MAN2A2: variants seen among roughly 807,000 people sequenced by gnomAD.
MAN2A2 encodes the protein mannosidase alpha class 2A member 2, also known as alpha-mannosidase 2x.
A neutral mutation model predicts 126.8 loss-of-function variants in MAN2A2; 79 were observed. The observed-to-expected ratio is 0.62, with a 90% CI of 0.52 to 0.75. The LOEUF is 0.75. Among genes scored for constraint, MAN2A2 ranks in the 30% least tolerant of loss-of-function variants. The pLI, the probability that MAN2A2 is intolerant of heterozygous loss-of-function variation, is 0.00. For missense variants in MAN2A2, 1,392 were observed against 1,522.4 expected (o/e 0.91, Z 1.43); for synonymous variants, 671 against 618.7 (o/e 1.08, Z -1.25).
chr15:90,904,014 C>T, intron 1 of MAN2A2, 176 bp from the exon 2 acceptor site: 1 of 695,338 alleles, frequency 1.4e-6, no homozygotes, highest in Non-Finnish European at 2.6e-6. Flanking sequence ...ACCCTAGCGG[C>T]AGAGCTGCTA....
In MAN2A2 at chr15:90,913,623, C is replaced by A; in HGVS notation, c.2728C>A (p.Arg910=). 6.2e-7 allele frequency: 1 copy of A among 1,612,152 alleles called. No homozygotes were observed. Residue 910 remains arginine, a synonymous_variant, in exon 19 of 23, where the codon CGA becomes AGA. Coordinates refer to ENST00000559717, the MANE Select transcript of MAN2A2 (RefSeq NM_006122.4). ...TDLNGFQVQP[R]RYLKKLPLQA... ...GGCCTTGCCCCCACAGGTGCAGCCC[C>A]GACGGTATCTGAAGAAGCTCCCCCT...
chr15:90,918,057 C>A, intron 20 of MAN2A2, 137 bp from the exon 21 acceptor site: 1 of 770,516 alleles, frequency 1.3e-6, no homozygotes, highest in Non-Finnish European at 2.1e-6. Context: ...CGCCTGGAGC[C>A]AGGCGTGCCC....
At chr15:90,911,725 G>T in intron 14 of MAN2A2, 175 bp downstream of exon 14, 1 of 710,906 alleles carries the variant, frequency 1.4e-6, no homozygotes, top group South Asian at 1.9e-5. Context: ...ATTTGAGCGT[G>T]TCCTTGAAAA....
Position 90,912,033 on chromosome 15 carries a change from G to A in MAN2A2, c.2110-10G>A. ...GTGCCCCCACTTCCTCACCCCTCCTGTGCCCACAGGTGTCTGTGCCTGTCC... is the reference window on the plus strand; with the variant it reads ...GTGCCCCCACTTCCTCACCCCTCCTATGCCCACAGGTGTCTGTGCCTGTCC... On this transcript the variant is annotated splice_polypyrimidine_tract_variant and intron_variant, in intron 14 of 22. Coordinates refer to ENST00000559717, the MANE Select transcript of MAN2A2 (RefSeq NM_006122.4). 3.7e-6 allele frequency: 6 copies of A among 1,607,494 alleles called. No individual in the cohort carries two copies. Among genetic ancestry groups the A allele is most frequent in the Non-Finnish European group, 5.1e-6 (6 of 1,176,604 alleles).
At chr15:90,914,156 CAGGCTCT>C (rs1039262353) in intron 19 of MAN2A2, among the ~76,000 whole-genome samples, 10 of 152,232 alleles carry the variant, frequency 6.6e-5, no homozygotes, top group African/African-American at 2.4e-4. Context: ...AAGCGAGACC[CAGGCTCT>C]ACAAAAAGAT....
intron 20 of MAN2A2, among the ~76,000 whole-genome samples, chr15:90,916,918 G>T (rs2151327027): frequency 6.6e-6 from 1 of 152,344 alleles, no homozygotes; most frequent in African/African-American, 2.4e-5. Context: ...ATCCTGAGGA[G>T]CAAGGTAATA....
chr15:90,912,526 C>T lies in MAN2A2; in HGVS notation c.2347-16C>T. On this transcript the variant is annotated splice_polypyrimidine_tract_variant and intron_variant, in intron 15 of 22. Coordinates refer to ENST00000559717, the MANE Select transcript of MAN2A2 (RefSeq NM_006122.4). ...GCTGGTGTGGGGCCAGGGGTCAGGG[C>T]TGTGTTTTTTGGCAGAGCATCCGAA... The T allele has an allele frequency of 6.2e-7, 1 of 1,612,518 alleles. No individual in the cohort carries two copies. The highest frequency in any genetic ancestry group is 2.2e-5 in the East Asian group (1 of 44,804).
rs369373482 is a variant in MAN2A2, at chr15:90,918,261, C to T, written c.3062C>T (p.Ala1021Val). The part of the protein sequence containing the change: ...LSHLTSMYLN[A>V]PALALPVARM... The stretch of plus-strand genomic sequence containing the variant: ...CACCTGACCTCCATGTACCTGAACG[C>T]CCCGGCGCTCGCTCTGCCTGTAGCC... The change falls in exon 21 of 23, where the codon GCC (alanine) becomes GTC (valine). Residue 1021 changes from alanine to valine, a missense_variant. Physicochemically the swap from Ala to Val is moderately conservative, Grantham distance 64. Coordinates refer to ENST00000559717, the MANE Select transcript of MAN2A2 (RefSeq NM_006122.4). 8 of 1,614,056 alleles carry T rather than the reference C, an allele frequency of 5.0e-6. No individual in the cohort carries two copies. The African/African-American group carries it at 9.3e-5, about 19-fold the overall frequency.
In MAN2A2 at chr15:90,911,428, A is replaced by G. The variant is rs773109493; in HGVS notation, c.1987A>G (p.Met663Val). ...FNPLEQERFS[M>V]VSLLVNSPRV... ...CCCACTGGAACAGGAGCGATTCAGC[A>G]TGGTGTCCCTGCTGGTCAACTCTCC... is the stretch of plus-strand genomic sequence containing the variant. Residue 663 changes from methionine to valine, a missense_variant, in exon 14 of 23, where the codon ATG becomes GTG. Physicochemically the swap from Met to Val is conservative, Grantham distance 21. Coordinates refer to ENST00000559717, the MANE Select transcript of MAN2A2 (RefSeq NM_006122.4). The G allele has an allele frequency of 6.2e-7, 1 of 1,614,228 alleles. No individual in the cohort carries two copies. Among genetic ancestry groups the G allele is most frequent in the Non-Finnish European group, 8.5e-7 (1 of 1,180,028 alleles).
intron 18 of MAN2A2, 95 bp from the exon 19 acceptor site, chr15:90,913,519 G>C: frequency 6.4e-7 from 1 of 1,563,132 alleles, no homozygotes; most frequent in Non-Finnish European, 8.7e-7. Flanking sequence ...AGATGAATGA[G>C]AGGCGAAGAG....
intron 7 of MAN2A2, 132 bp downstream of exon 7, chr15:90,907,045 G>C: frequency 8.3e-7 from 1 of 1,199,898 alleles, no homozygotes; most frequent in Non-Finnish European, 1.2e-6. Flanking sequence ...GCCAGAAATG[G>C]TCGCACCCTC....
intron 14 of MAN2A2, chr15:90,911,809 T>A (rs2034769450): frequency 1.7e-6 from 1 of 605,234 alleles, no homozygotes; most frequent in Admixed American, 3.0e-5. Context: ...AGTCATTCAA[T>A]GTTTATCGAA....
Position 90,910,923 on chromosome 15 carries a change from A to G in MAN2A2, c.1837A>G (p.Thr613Ala). Residue 613 changes from threonine to alanine, a missense_variant, in exon 12 of 23, where the codon ACC (threonine) becomes GCC (alanine). Transcript: ENST00000559717. Reference sequence around the variant, plus strand: ...CTATCTGGTGCTGGGGGACAAGGAGACCTACCACTTTGACCCTGAGGCGCC... The same window carrying G: ...CTATCTGGTGCTGGGGGACAAGGAGGCCTACCACTTTGACCCTGAGGCGCC... Reference protein sequence around the residue: ...AHYLVLGDKETYHFDPEAPFL... With the variant: ...AHYLVLGDKEAYHFDPEAPFL... The G allele has an allele frequency of 6.2e-7, 1 of 1,613,970 alleles. No homozygotes were observed. Among genetic ancestry groups the G allele is most frequent in the Non-Finnish European group, 8.5e-7 (1 of 1,179,998 alleles).
rs370270749 is a variant in MAN2A2 at position 90,913,789 on chromosome 15, C to T, written c.2860+34C>T. 3.2e-6 allele frequency: 5 copies of T among 1,554,872 alleles called. No homozygotes were observed. The African/African-American group carries it at 6.9e-5, about 21-fold the overall frequency. ...GGCCCAGGAGTTCTGCAGAGGGTATCAGACAAAAAGAAGCCCGTCCCCACC... is the reference window on the plus strand; with the variant it reads ...GGCCCAGGAGTTCTGCAGAGGGTATTAGACAAAAAGAAGCCCGTCCCCACC... On this transcript the variant is annotated intron_variant, in intron 19 of 22. Coordinates refer to ENST00000559717, the MANE Select transcript of MAN2A2 (RefSeq NM_006122.4).
chr15:90,907,114 TTCAGCGTGCCCTGTGTGCCC>T, intron 7 of MAN2A2, 175 bp from the exon 8 acceptor site: 1 of 837,322 alleles, frequency 1.2e-6, no homozygotes. Context: ...TCCCAAGGGC[TTCAGCGTGCCCTGTGTGCCC>T]GTCCCCTGAG....
chr15:90,906,116 G>A (rs1277005013), intron 5 of MAN2A2, 100 bp downstream of exon 5: 1 of 1,515,608 alleles, frequency 6.6e-7, no homozygotes, highest in East Asian at 2.3e-5. Context: ...GGCAGGGAGA[G>A]GCCCAGAGAG....
rs764949194 is a variant in MAN2A2 at position 90,916,237 on chromosome 15, G to A, written c.2975G>A (p.Arg992Gln). Residue 992 changes from arginine (R) to glutamine (Q), a missense_variant, in exon 20 of 23, where the codon CGG (arginine) becomes CAG (glutamine). Physicochemically the swap from Arg to Gln is conservative, Grantham distance 43 (BLOSUM62 1). Transcript: ENST00000559717. ...AACCGTTTCCGCCTCCTGCTAGAGC[G>A]GCGAACCGTGGGCAGTGAGGTAACA... is the stretch of plus-strand genomic sequence containing the variant. ...TCNRFRLLLE[R>Q]RTVGSEVQDS... 30 of 1,614,008 alleles carry A rather than the reference G, an allele frequency of 1.9e-5. No homozygotes were observed. The highest frequency in any genetic ancestry group is 1.8e-4 in the Admixed American group (11 of 60,022).
At chr15:90,907,653 C>T (rs1402728129) in intron 8 of MAN2A2, 158 bp downstream of exon 8, 11 of 652,850 alleles carry the variant, frequency 1.7e-5, no homozygotes, top group East Asian at 1.7e-4. Flanking sequence ...TGGAATGGCT[C>T]TTGCAACCAC....
intron 2 of MAN2A2, among the ~76,000 whole-genome samples, chr15:90,905,032 G>T (rs1372543257): frequency 6.6e-6 from 1 of 152,200 alleles, no homozygotes; most frequent in Non-Finnish European, 1.5e-5. Flanking sequence ...CCCTGAGCTA[G>T]AGAGTGATGG....
Sources: allele counts gnomAD v4.1 joint callset (sites outside exome capture counted in the v4.1 genomes callset), GRCh38; gene constraint gnomAD v4.1.1; transcripts MANE v1.5; gene names NCBI Gene and HGNC (gene_info 2026-07-23, HGNC 2026-07-21).